PUDP: variants seen among roughly 807,000 people sequenced by gnomAD.
PUDP encodes pseudouridine-5'-phosphatase.
In PUDP, 8 loss-of-function variants were observed where a neutral mutation model predicts 9.4. That is an observed-to-expected ratio of 0.85 (90% CI 0.50 to 1.53). The LOEUF (loss-of-function observed/expected upper bound fraction) is 1.53, where lower values mean the gene tolerates loss of function less well. PUDP is among the 40% of genes most tolerant of loss of function. The probability of loss-of-function intolerance (pLI) is 0.00; values close to 1 mark genes in which losing one functional copy is unlikely to be tolerated. For missense variants in PUDP, 188 were observed against 189.7 expected, an observed-to-expected ratio of 0.99 and a Z score of 0.05; for synonymous variants, 99 against 80.7, an observed-to-expected ratio of 1.23 and a Z score of -1.22.
intron 3 of PUDP, among the ~76,000 whole-genome samples, chrX:6,869,325 C>T (rs760723048): frequency 1.8e-5 from 2 of 111,982 alleles, no homozygotes; most frequent in East Asian, 2.8e-4. Flanking sequence ...ATGATGTCTA[C>T]GGCCTCAATG....
intron 1 of PUDP, among the ~76,000 whole-genome samples, chrX:7,108,386 G>A (rs1931947043): frequency 8.9e-6 from 1 of 111,950 alleles, no homozygotes; most frequent in African/African-American, 3.3e-5. Flanking sequence ...AGTCCACCCT[G>A]TGGACACTGG....
chrX:6,763,897 A>T (rs1925255285), intron 3 of PUDP, among the ~76,000 whole-genome samples: 1 of 112,210 alleles, frequency 8.9e-6, no homozygotes. Context: ...TGGCACCATA[A>T]TGTTTTCCTA....
chrX:7,017,606 C>A (rs1238780495), intron 1 of PUDP, among the ~76,000 whole-genome samples: 1 of 112,193 alleles, frequency 8.9e-6, no homozygotes, highest in Non-Finnish European at 1.9e-5. Context: ...TTTCTTTTCT[C>A]CTGGCAGCTG....
intron 3 of PUDP, among the ~76,000 whole-genome samples, chrX:6,862,602 T>G (rs989469908): frequency 1.8e-5 from 2 of 111,895 alleles, no homozygotes; most frequent in Non-Finnish European, 3.8e-5. Flanking sequence ...TTAATTCCAT[T>G]TGAATAACTC....
At chrX:6,956,112 C>A (rs937303407) in intron 3 of PUDP, among the ~76,000 whole-genome samples, 1 of 112,242 alleles carries the variant, frequency 8.9e-6, no homozygotes. Flanking sequence ...TGCAGTGGTG[C>A]GATCTCAGCT....
At chrX:6,759,556 C>A (rs1179258699) in intron 3 of PUDP, among the ~76,000 whole-genome samples, 1 of 111,388 alleles carries the variant, frequency 9.0e-6, no homozygotes, top group Non-Finnish European at 1.9e-5. Flanking sequence ...ATGCCAGTAG[C>A]ACCTCTCCCC....
chrX:7,042,729 A>G (rs1222726754), intron 1 of PUDP, among the ~76,000 whole-genome samples: 1 of 111,226 alleles, frequency 9.0e-6, no homozygotes. Flanking sequence ...TTTTTCAGAA[A>G]CTGGACTTCT....
intron 3 of PUDP, among the ~76,000 whole-genome samples, chrX:6,857,287 C>A (rs754564416): frequency 1.8e-5 from 2 of 112,970 alleles, no homozygotes; most frequent in Admixed American, 1.9e-4. Flanking sequence ...ACTGGGGGAA[C>A]CCCACGGAAG....
chrX:7,116,481 T>C (rs773957822), intron 1 of PUDP, among the ~76,000 whole-genome samples: 3 of 111,320 alleles, frequency 2.7e-5, no homozygotes, highest in Admixed American at 9.5e-5. Flanking sequence ...ACCCCTAGCA[T>C]GTTCCCAGGT....
chrX:6,974,292 A>G (rs985356610), intron 3 of PUDP, among the ~76,000 whole-genome samples: 2 of 111,931 alleles, frequency 1.8e-5, no homozygotes, highest in Non-Finnish European at 3.8e-5. Context: ...TAGTTGATGC[A>G]GTTTCTTCAT....
chrX:6,965,668 A>C (rs767229307), intron 3 of PUDP, among the ~76,000 whole-genome samples: 13 of 112,536 alleles, frequency 1.2e-4, no homozygotes, highest in Non-Finnish European at 1.9e-4. Flanking sequence ...ATTGTTAAAC[A>C]GGAGTTATAC....
At chrX:6,751,149 G>GGAAAGAAAGAAAAAAGAAA (rs1471854915) in intron 3 of PUDP, among the ~76,000 whole-genome samples, 26 of 102,352 alleles carry the variant, frequency 2.5e-4, no homozygotes, top group African/African-American at 8.3e-4. Flanking sequence ...CTAAAAAAAA[G>GGAAAGAAAGAAAAAAGAAA]GAAAGAAAGA....
At chrX:6,796,456 G>A (rs1168211919) in intron 3 of PUDP, among the ~76,000 whole-genome samples, 7 of 111,833 alleles carry the variant, frequency 6.3e-5, no homozygotes, top group African/African-American at 2.0e-4. Flanking sequence ...AAAGTTTCCC[G>A]GCCAGTAAGG....
intron 3 of PUDP, among the ~76,000 whole-genome samples, chrX:6,865,724 C>T (rs774077131): frequency 1.8e-5 from 2 of 110,701 alleles, no homozygotes; most frequent in Admixed American, 9.7e-5. Context: ...AAAAGTGGAA[C>T]AAATTTACAC....
At chrX:6,707,156 T>C (rs887846580) in intron 1 of PUDP, among the ~76,000 whole-genome samples, 1 of 111,379 alleles carries the variant, frequency 9.0e-6, no homozygotes, top group Non-Finnish European at 1.9e-5. Context: ...AGAGGAAATT[T>C]TTTCTCCCAT....
chrX:7,024,088 GC>G (rs913858018), intron 1 of PUDP, among the ~76,000 whole-genome samples: 1 of 111,750 alleles, frequency 8.9e-6, no homozygotes, highest in African/African-American at 3.3e-5. Flanking sequence ...AGTTCTAGTA[GC>G]TTTTTTGTAT....
chrX:6,965,159 CGTAAGTG>C (rs1928763571), intron 3 of PUDP, among the ~76,000 whole-genome samples: 1 of 111,923 alleles, frequency 8.9e-6, no homozygotes. Context: ...TAAAGCCTGT[CGTAAGTG>C]CTCTTCCATG....
chrX:7,094,237 C>G (rs1261342060), intron 2 of PUDP, among the ~76,000 whole-genome samples: 2 of 111,834 alleles, frequency 1.8e-5, no homozygotes, highest in Non-Finnish European at 3.8e-5. Flanking sequence ...TCTTATTCTC[C>G]TTAGTCTAGG....
intron 2 of PUDP, among the ~76,000 whole-genome samples, chrX:7,081,655 C>G (rs1273076434): frequency 3.5e-5 from 4 of 112,791 alleles, no homozygotes; most frequent in Non-Finnish European, 7.5e-5. Flanking sequence ...ATGCTTGGGA[C>G]TCCTATGAAG....
Sources: allele counts gnomAD v4.1 joint callset (sites outside exome capture counted in the v4.1 genomes callset), GRCh38; gene constraint gnomAD v4.1.1; transcripts MANE v1.5; gene names NCBI Gene and HGNC (gene_info 2026-07-23, HGNC 2026-07-21).